The following NPL variants were observed in gnomAD, a reference collection of about 807,000 sequenced individuals.
NPL encodes the protein N-acetylneuraminate lyase.
A neutral mutation model predicts 41.1 loss-of-function variants in NPL; 32 were observed. The ratio of observed to expected loss-of-function variants is 0.78; its 90% CI spans 0.59 to 1.05. The LOEUF (loss-of-function observed/expected upper bound fraction) is 1.05. Ranked by LOEUF, NPL falls within the 50% of genes least tolerant of loss-of-function variation. The pLI, the probability that NPL is intolerant of heterozygous loss-of-function variation, is 0.00. For synonymous variants in NPL, 128 were observed against 134.9 expected, an observed-to-expected ratio of 0.95 and a Z score of 0.35; for missense variants, 321 against 378.4, an observed-to-expected ratio of 0.85 and a Z score of 1.26.
chr1:182,825,704 G>GT (rs1667612742), intron 11 of NPL, 77 bp from the exon 12 acceptor site: 2 of 1,034,962 alleles, frequency 1.9e-6, no homozygotes, highest in African/African-American at 1.6e-5. Context: ...TAGGGTTTCT[G>GT]TAATTTGACT....
chr1:182,794,922 T>C (rs940074890), intron 3 of NPL, among the ~76,000 whole-genome samples: 10 of 152,114 alleles, frequency 6.6e-5, no homozygotes, highest in African/African-American at 2.4e-4. Context: ...AAGTGGGAGG[T>C]TATCTGCAAG....
intron 10 of NPL, among the ~76,000 whole-genome samples, chr1:182,820,302 C>T (rs1667453792): frequency 6.6e-6 from 1 of 152,194 alleles, no homozygotes; most frequent in Non-Finnish European, 1.5e-5. Context: ...GAAATTTTTG[C>T]ATTAACTGAA....
At chr1:182,821,609 T>C (rs973824302) in intron 10 of NPL, among the ~76,000 whole-genome samples, 2 of 152,212 alleles carry the variant, frequency 1.3e-5, no homozygotes, top group African/African-American at 4.8e-5. Flanking sequence ...TGATCCCTCA[T>C]TTTATTATCA....
At chr1:182,824,531 C>A (rs1362948812) in intron 11 of NPL, among the ~76,000 whole-genome samples, 2 of 152,186 alleles carry the variant, frequency 1.3e-5, no homozygotes, top group Admixed American at 6.5e-5. Flanking sequence ...GGCACGGTGG[C>A]TCACGCCTGT....
chr1:182,817,102 G>A (rs1362555671), intron 8 of NPL, among the ~76,000 whole-genome samples: 1 of 152,144 alleles, frequency 6.6e-6, no homozygotes, highest in Non-Finnish European at 1.5e-5. Flanking sequence ...GAGAAGACAT[G>A]AGTCTGTAAG....
rs1445657026 is a variant in NPL at position 182,812,221 on chromosome 1, T to C, written c.288+8T>C. On this transcript the variant is annotated splice_region_variant and intron_variant, in intron 6 of 12. Transcript: ENST00000367553. The stretch of plus-strand genomic sequence containing the variant: ...AAGGAGTCACAGGAACTGGTATGTA[T>C]GCAGTTCCATCTGGGAGAGACCATT... 3.1e-6 allele frequency: 5 copies of C among 1,610,872 alleles called. No individual in the cohort carries two copies. Among genetic ancestry groups the C allele is most frequent in the Non-Finnish European group, 4.2e-6 (5 of 1,177,032 alleles).
At chr1:182,803,490 A>G (rs1028369716) in intron 3 of NPL, among the ~76,000 whole-genome samples, 1 of 152,210 alleles carries the variant, frequency 6.6e-6, no homozygotes, top group African/African-American at 2.4e-5. Flanking sequence ...TGCTCACAGA[A>G]GTGAGGCATA....
Position 182,818,689 on chromosome 1 carries a change from G to A in NPL, c.606G>A (p.Glu202=). Residue 202 remains glutamate, a splice_region_variant and synonymous_variant, in exon 9 of 13, where the codon GAG becomes GAA. Coordinates refer to ENST00000367553, the MANE Select transcript of NPL (RefSeq NM_030769.3). ...QQFAFLFGVD[E]QLLSALVMGA... ...TTGCTTTCCTTTTTGGGGTGGATGA[G>A]GTAAGTCACCCCCTAGCATGTTGCA... 1 of 1,614,156 alleles carries A rather than the reference G, an allele frequency of 6.2e-7. No homozygotes were observed. Among genetic ancestry groups the A allele is most frequent in the Non-Finnish European group, 8.5e-7 (1 of 1,180,030 alleles).
intron 1 of NPL, chr1:182,791,167 T>C (rs1666505860): frequency 6.6e-6 from 1 of 152,184 alleles, no homozygotes; most frequent in African/African-American, 2.4e-5. Context: ...TTTAAGAAAT[T>C]ATTTTCGGCT....
At chr1:182,809,690 C>T (rs1247890334) in intron 5 of NPL, among the ~76,000 whole-genome samples, 3 of 152,010 alleles carry the variant, frequency 2.0e-5, no homozygotes, top group Admixed American at 6.6e-5. Context: ...CTGCCCAGAA[C>T]AAGGAGTTGG....
intron 2 of NPL, 45 bp downstream of exon 2, chr1:182,792,331 G>T (rs1666538425): frequency 6.6e-6 from 1 of 152,244 alleles, no homozygotes; most frequent in African/African-American, 2.4e-5. Context: ...TCTGACTCCA[G>T]AGCTGGCCCT....
Position 182,822,206 on chromosome 1 carries a change from G to A in NPL, c.738+7G>A, listed in dbSNP as rs115885941. The A allele has an allele frequency of 8.8e-4, 1,387 of 1,582,276 alleles. 10 individuals carry two copies. The African/African-American group carries it at 0.017, about 19-fold the overall frequency. On this transcript the variant is annotated splice_region_variant and intron_variant, in intron 11 of 12. Transcript: ENST00000367553. ...TTTAGCCCTGAACTATCAGGTAAAC[G>A]TTTTCTTCTCTTCCCATAAATCACA...
At chr1:182,820,892 T>C (rs936438517) in intron 10 of NPL, among the ~76,000 whole-genome samples, 2 of 152,216 alleles carry the variant, frequency 1.3e-5, no homozygotes, top group African/African-American at 4.8e-5. Context: ...CATTAAACCT[T>C]TTTCCGCCTG....
chr1:182,795,059 G>A (rs2102526028), intron 3 of NPL, among the ~76,000 whole-genome samples: 1 of 152,146 alleles, frequency 6.6e-6, no homozygotes, highest in East Asian at 1.9e-4. Context: ...TTGACCTCCA[G>A]ATGAATACAG....
At chr1:182,807,812 A>G (rs886525867) in intron 5 of NPL, among the ~76,000 whole-genome samples, 8 of 149,622 alleles carry the variant, frequency 5.3e-5, no homozygotes, top group Admixed American at 6.7e-5. Flanking sequence ...AATGGCGTGA[A>G]CCTGGGAGGT....
At position 182,825,739 on chromosome 1, in the gene NPL, C is replaced by T. The variant is rs1383070536; in HGVS notation, c.739-42C>T. The T allele has an allele frequency of 3.2e-6, 4 of 1,247,540 alleles. No homozygotes were observed. In the African/African-American group the frequency reaches 6.1e-5, roughly 19 times the overall value. The allele number at this position is 1,247,540 out of a possible 1,614,324, so 77.3% of individuals were successfully genotyped here. ...TTCTACATTATTTACATTGTTTACA[C>T]AGTTCAATAATACTAACTATAGATA... On this transcript the variant is annotated intron_variant, in intron 11 of 12. Transcript: ENST00000367553.
In NPL at chr1:182,828,813, A is replaced by T; in HGVS notation, c.868A>T (p.Arg290Trp). The T allele has an allele frequency of 6.2e-7, 1 of 1,614,214 alleles. No individual in the cohort carries two copies. Among genetic ancestry groups the T allele is most frequent in the Non-Finnish European group, 8.5e-7 (1 of 1,180,044 alleles). ...CCGGCTTCCACTGCAGAAAGCCTCC[A>T]GGGAGTTTACTGATAGTGCTGAAGC... ...PPRLPLQKAS[R>W]EFTDSAEAKL... is the part of the protein sequence containing the mutation. The change falls in exon 13 of 13, where the codon AGG becomes TGG. Residue 290 changes from arginine to tryptophan, a missense_variant. By Grantham distance (101) the Arg-to-Trp change is moderately radical. Coordinates refer to ENST00000367553, the MANE Select transcript of NPL (RefSeq NM_030769.3). This position sits in a 1 kb window ranked among gnomAD's most constrained non-coding sequence, Gnocchi z 4.0.
chr1:182,803,847 C>A, intron 4 of NPL, 76 bp downstream of exon 4: 1 of 1,023,022 alleles, frequency 9.8e-7, no homozygotes, highest in Non-Finnish European at 1.6e-6. Flanking sequence ...GGTTACCAGC[C>A]AAGAGGTCAC....
At chr1:182,804,997 G>A (rs1227789196) in intron 4 of NPL, among the ~76,000 whole-genome samples, 2 of 152,146 alleles carry the variant, frequency 1.3e-5, no homozygotes, top group African/African-American at 2.4e-5. Context: ...AATACTTTCC[G>A]ACTTCCCTCC....
Sources: allele counts gnomAD v4.1 joint callset (sites outside exome capture counted in the v4.1 genomes callset), GRCh38; gene constraint gnomAD v4.1.1; non-coding constraint Gnocchi (gnomAD v3.1); transcripts MANE v1.5; gene names NCBI Gene and HGNC (gene_info 2026-07-23, HGNC 2026-07-21).